LRRC7: variants seen among roughly 807,000 people sequenced by gnomAD.
LRRC7 encodes leucine rich repeat containing 7, also known as leucine-rich repeat-containing protein 7.
A neutral mutation model predicts 175.7 loss-of-function variants in LRRC7; 23 were observed. The observed-to-expected ratio is 0.13, with a 90% CI of 0.09 to 0.19. The LOEUF (loss-of-function observed/expected upper bound fraction) is 0.19, where lower values mean the gene tolerates loss of function less well. LRRC7 is among the 10% of genes least tolerant of loss of function. The pLI is 1.00. For synonymous variants in LRRC7, 685 were observed against 680.9 expected, an observed-to-expected ratio of 1.01 and a Z score of -0.09; for missense variants, 1,354 against 1,904.7, an observed-to-expected ratio of 0.71 and a Z score of 5.38.
intron 3 of LRRC7, among the ~76,000 whole-genome samples, chr1:69,771,624 A>G (rs1672251251): frequency 6.6e-6 from 1 of 152,196 alleles, no homozygotes; most frequent in South Asian, 2.1e-4. Context: ...GGTAAAATAT[A>G]TCAATTGATT....
chr1:69,890,588 C>T (rs545367402), intron 7 of LRRC7, among the ~76,000 whole-genome samples: 6 of 152,174 alleles, frequency 3.9e-5, no homozygotes, highest in East Asian at 3.8e-4. Context: ...CTCTAATAAG[C>T]GAGTCAGACT....
intron 25 of LRRC7, among the ~76,000 whole-genome samples, chr1:70,100,153 ATAAAG>A (rs1364649941): frequency 6.6e-6 from 1 of 152,182 alleles, no homozygotes. Context: ...GTTAAAACAT[ATAAAG>A]TAACCAAAAC....
intron 7 of LRRC7, chr1:69,874,732 G>T (rs1485397369): frequency 1.3e-5 from 2 of 151,944 alleles, no homozygotes; most frequent in Non-Finnish European, 2.9e-5. Flanking sequence ...ATATAAAATT[G>T]CCTTAGAATG....
At chr1:69,639,956 G>A (rs934408529) in intron 1 of LRRC7, among the ~76,000 whole-genome samples, 1 of 151,758 alleles carries the variant, frequency 6.6e-6, no homozygotes, top group African/African-American at 2.4e-5. Context: ...ATAACTGTCT[G>A]TGACTCTAGA....
chr1:69,947,925 T>C (rs1044349704), intron 8 of LRRC7, among the ~76,000 whole-genome samples: 3 of 152,120 alleles, frequency 2.0e-5, no homozygotes, highest in Non-Finnish European at 4.4e-5. Flanking sequence ...TCTCTCTCTC[T>C]CCCCCTCTTT....
Position 70,121,851 on chromosome 1 carries a change from A to G in LRRC7, c.4692A>G (p.Thr1564=), listed in dbSNP as rs1281262123. The G allele has an allele frequency of 1.2e-6, 2 of 1,611,416 alleles. No individual in the cohort carries two copies. The highest frequency in any genetic ancestry group is 2.2e-5 in the East Asian group (1 of 44,804). ...TACTACTGAAGAGTTTCCAGAACACAGTAGACCTAGTTATTCAACGTGAGC... is the reference window on the plus strand; with the variant it reads ...TACTACTGAAGAGTTTCCAGAACACGGTAGACCTAGTTATTCAACGTGAGC... The part of the protein sequence containing the change: ...AVLLLKSFQN[T]VDLVIQRELT... Residue 1564 remains threonine (T), a synonymous_variant, in exon 27 of 27, where the codon ACA becomes ACG. Coordinates refer to ENST00000651989, the MANE Select transcript of LRRC7 (RefSeq NM_001370785.2).
chr1:69,658,706 A>G (rs1171827956), intron 1 of LRRC7, among the ~76,000 whole-genome samples: 3 of 152,210 alleles, frequency 2.0e-5, no homozygotes, highest in East Asian at 1.9e-4. Flanking sequence ...CATAAAAGGA[A>G]CCACATCCTG....
At chr1:69,757,047 G>A (rs1219036932) in intron 2 of LRRC7, among the ~76,000 whole-genome samples, 3 of 151,910 alleles carry the variant, frequency 2.0e-5, no homozygotes, top group Admixed American at 6.6e-5. Context: ...AGGAATTGTG[G>A]TTGAAAGTCC....
intron 1 of LRRC7, among the ~76,000 whole-genome samples, chr1:69,671,148 C>A (rs925152265): frequency 6.6e-5 from 10 of 152,262 alleles, no homozygotes; most frequent in Admixed American, 6.5e-4. Context: ...AAGTCTGAGT[C>A]TCACCTGAGG....
intron 2 of LRRC7, among the ~76,000 whole-genome samples, chr1:69,751,475 A>G (rs1270225773): frequency 6.6e-6 from 1 of 152,112 alleles, no homozygotes; most frequent in Non-Finnish European, 1.5e-5. Flanking sequence ...GAAGGAAAAA[A>G]GGAAAGAAGG....
chr1:69,748,945 T>C (rs940008173), intron 2 of LRRC7, among the ~76,000 whole-genome samples: 1 of 152,308 alleles, frequency 6.6e-6, no homozygotes, highest in African/African-American at 2.4e-5. Flanking sequence ...AGTATCCTAA[T>C]GCTTAGAAAT....
At chr1:69,579,328 A>C (rs1354795594) in intron 1 of LRRC7, among the ~76,000 whole-genome samples, 3 of 152,198 alleles carry the variant, frequency 2.0e-5, no homozygotes, top group Non-Finnish European at 4.4e-5. Context: ...ATGAAACTTC[A>C]GAATCCCTTG....
chr1:69,867,600 T>C (rs1419370170), intron 7 of LRRC7, among the ~76,000 whole-genome samples: 1 of 152,126 alleles, frequency 6.6e-6, no homozygotes. Flanking sequence ...ACCATTTCAA[T>C]AGCCTGGAAA....
intron 8 of LRRC7, among the ~76,000 whole-genome samples, chr1:69,936,412 A>G (rs1648029622): frequency 1.3e-5 from 2 of 152,130 alleles, no homozygotes; most frequent in Non-Finnish European, 2.9e-5. Context: ...TTTATTTTCT[A>G]TTTTAATATC....
chr1:69,795,736 G>C (rs911319380), intron 4 of LRRC7, among the ~76,000 whole-genome samples: 1 of 152,116 alleles, frequency 6.6e-6, no homozygotes, highest in Non-Finnish European at 1.5e-5. Context: ...GATCTTGATT[G>C]TTGATGTGGC....
At chr1:69,582,113 C>T (rs978213878) in intron 1 of LRRC7, among the ~76,000 whole-genome samples, 1 of 152,116 alleles carries the variant, frequency 6.6e-6, no homozygotes, top group Non-Finnish European at 1.5e-5. Flanking sequence ...TTAAGACATG[C>T]TGTAAATTGT....
At chr1:69,604,893 C>T (rs984486470) in intron 1 of LRRC7, among the ~76,000 whole-genome samples, 2 of 152,168 alleles carry the variant, frequency 1.3e-5, no homozygotes, top group Admixed American at 6.5e-5. Flanking sequence ...AGAAAAGACA[C>T]TTCATGCACG....
chr1:70,033,092 GTTAAC>G (rs1414263237), intron 18 of LRRC7, among the ~76,000 whole-genome samples: 5 of 152,272 alleles, frequency 3.3e-5, no homozygotes, highest in East Asian at 1.9e-4. Flanking sequence ...TTGTTGGATA[GTTAAC>G]TTTACTTTGT....
At chr1:69,868,619 G>T (rs1685179861) in intron 7 of LRRC7, among the ~76,000 whole-genome samples, 1 of 152,070 alleles carries the variant, frequency 6.6e-6, no homozygotes, top group African/African-American at 2.4e-5. Flanking sequence ...GTGGGGGTTT[G>T]CTACATTAAA....
Sources: gnomAD v4.1 joint callset for allele counts (sites outside exome capture counted in the v4.1 genomes callset) on GRCh38, gnomAD v4.1.1 for gene constraint, MANE v1.5 for transcripts, NCBI Gene and HGNC (gene_info 2026-07-23, HGNC 2026-07-21) for gene names.